Variants in SGCZ observed in about 807,000 individuals in gnomAD.
The protein encoded by SGCZ is zeta-sarcoglycan.
In SGCZ, 40 loss-of-function variants were observed where a neutral mutation model predicts 41.3. That is an observed-to-expected ratio of 0.97 (90% CI 0.75 to 1.26). The LOEUF (loss-of-function observed/expected upper bound fraction) is 1.26. Ranked by LOEUF, SGCZ falls within the 50% of genes most tolerant of loss-of-function variation. SGCZ has a pLI of 0.00. For synonymous variants in SGCZ, 206 were observed against 137.5 expected (o/e 1.50, Z -3.49); for missense variants, 552 against 369.8 (o/e 1.49, Z -4.04).
chr8:14,937,795 A>G (rs185289571), intron 1 of SGCZ, among the ~76,000 whole-genome samples: 3 of 152,224 alleles, frequency 2.0e-5, no homozygotes, highest in East Asian at 3.9e-4. Flanking sequence ...TAATAAATTC[A>G]TAAATGAATG....
chr8:14,470,192 T>C (rs1335345424), intron 2 of SGCZ, among the ~76,000 whole-genome samples: 1 of 152,094 alleles, frequency 6.6e-6, no homozygotes, highest in Non-Finnish European at 1.5e-5. Context: ...GAAAAACTTC[T>C]CGCAACGTTT....
At chr8:14,115,369 G>A (rs1357991666) in intron 5 of SGCZ, among the ~76,000 whole-genome samples, 2 of 151,806 alleles carry the variant, frequency 1.3e-5, no homozygotes, top group Non-Finnish European at 2.9e-5. Context: ...TAATTTTAAC[G>A]AGTTGAAATG....
At chr8:14,703,638 A>C (rs1441393035) in intron 1 of SGCZ, among the ~76,000 whole-genome samples, 1 of 152,016 alleles carries the variant, frequency 6.6e-6, no homozygotes, top group Non-Finnish European at 1.5e-5. Context: ...CATTCATTGC[A>C]GCTATACATT....
intron 1 of SGCZ, among the ~76,000 whole-genome samples, chr8:15,058,302 G>A (rs991826495): frequency 6.6e-6 from 1 of 152,058 alleles, no homozygotes; most frequent in Non-Finnish European, 1.5e-5. Flanking sequence ...TGAAAGAGAA[G>A]GTCCAATTTG....
rs1476324514 is a variant in SGCZ, at chr8:15,008,519, A to T, written c.39+229066T>A. On this transcript the variant is annotated intron_variant, in intron 1 of 7. Transcript: ENST00000382080. ...TAAAAAACATTAACTGGGCCTGTAT[A>T]AAGGGAGGGAAGGAAGGAAGGAAGG... Among the ~76,000 whole-genome samples the T allele has an allele frequency of 6.1e-5, 5 of 81,556 alleles. No homozygotes were observed. In the East Asian group the frequency reaches 1.8e-3, roughly 29 times the overall value. The allele number at this position is 81,556 out of a possible 152,430, so 53.5% of individuals were successfully genotyped here.
intron 3 of SGCZ, among the ~76,000 whole-genome samples, chr8:14,240,972 T>C (rs910503466): frequency 2.6e-5 from 4 of 152,152 alleles, no homozygotes; most frequent in Admixed American, 6.5e-5. Flanking sequence ...ATCTCAAATA[T>C]ATGTTTAGGT....
intron 2 of SGCZ, among the ~76,000 whole-genome samples, chr8:14,340,155 T>C (rs149908517): frequency 0.011 from 1,688 of 152,186 alleles, 28 homozygotes; most frequent in African/African-American, 0.037. Flanking sequence ...TTTTCTTTCA[T>C]CTCCAGTCTA....
intron 2 of SGCZ, among the ~76,000 whole-genome samples, chr8:14,439,772 TAC>T (rs1165799240): frequency 6.6e-6 from 1 of 151,950 alleles, no homozygotes; most frequent in Non-Finnish European, 1.5e-5. Flanking sequence ...GGAACTACCT[TAC>T]CATGATAAAC....
chr8:14,979,533 T>C (rs780725985), intron 1 of SGCZ, among the ~76,000 whole-genome samples: 1 of 152,220 alleles, frequency 6.6e-6, no homozygotes, highest in Admixed American at 6.5e-5. Flanking sequence ...TGCTTTTTAA[T>C]GTAAACTGCT....
chr8:14,840,212 A>G lies in SGCZ; in HGVS notation c.40-285286T>C, dbSNP rs866083565. Among the ~76,000 whole-genome samples the G allele has an allele frequency of 3.9e-5, 6 of 152,288 alleles. No individual in the cohort carries two copies. The Middle Eastern group carries it at 0.014, about 345-fold the overall frequency. ...CCTGCTTAAGGGATTTTTAAATACA[A>G]GAGAGATGAGTGTTAATCAGGGTTG... On this transcript the variant is annotated intron_variant, in intron 1 of 7. Coordinates refer to ENST00000382080, the MANE Select transcript of SGCZ (RefSeq NM_139167.4).
intron 2 of SGCZ, among the ~76,000 whole-genome samples, chr8:14,381,785 C>CA (rs557822815): frequency 2.0e-3 from 278 of 140,208 alleles, no homozygotes; most frequent in East Asian, 0.011. Flanking sequence ...GACCCTGTCT[C>CA]AAAAAAAAAA....
At chr8:14,237,730 T>A in intron 3 of SGCZ, 51 bp from the exon 4 acceptor site, 1 of 1,529,644 alleles carries the variant, frequency 6.5e-7, no homozygotes, top group Non-Finnish European at 9.0e-7. Context: ...TATCGTCAAA[T>A]TTACAAAAAA....
At chr8:14,233,867 A>C (rs1806660656) in intron 4 of SGCZ, among the ~76,000 whole-genome samples, 1 of 151,920 alleles carries the variant, frequency 6.6e-6, no homozygotes, top group African/African-American at 2.4e-5. Context: ...CTCGTTTAAG[A>C]AAGTTCTTGC....
chr8:14,751,439 C>G (rs976919005), intron 1 of SGCZ, among the ~76,000 whole-genome samples: 1 of 152,008 alleles, frequency 6.6e-6, no homozygotes, highest in Non-Finnish European at 1.5e-5. Flanking sequence ...AACACATAGA[C>G]AGTTACTTAA....
At chr8:14,451,759 C>A (rs557168315) in intron 2 of SGCZ, among the ~76,000 whole-genome samples, 1 of 152,258 alleles carries the variant, frequency 6.6e-6, no homozygotes, top group South Asian at 2.1e-4. Context: ...CATTGTATAT[C>A]ATTTAATAAA....
intron 1 of SGCZ, among the ~76,000 whole-genome samples, chr8:15,170,151 A>T (rs1799785332): frequency 6.6e-6 from 1 of 152,126 alleles, no homozygotes; most frequent in African/African-American, 2.4e-5. Context: ...TGCAGACTGA[A>T]GTTATTTTGT....
At chr8:15,191,273 C>G (rs1800529013) in intron 1 of SGCZ, among the ~76,000 whole-genome samples, 1 of 151,992 alleles carries the variant, frequency 6.6e-6, no homozygotes, top group Non-Finnish European at 1.5e-5. Context: ...TTCGCATGAT[C>G]TAGTCTGTAT....
intron 1 of SGCZ, among the ~76,000 whole-genome samples, chr8:14,877,632 A>G (rs926870428): frequency 6.6e-6 from 1 of 152,156 alleles, no homozygotes; most frequent in Admixed American, 6.5e-5. Context: ...ATTTTTCTCT[A>G]TCATGTTGAT....
In SGCZ at chr8:14,197,719, A is replaced by C. The variant is rs1805312265; in HGVS notation, c.425-33017T>G. 3.9e-5 allele frequency among the ~76,000 whole-genome samples: 6 copies of C among 152,184 alleles called. No individual in the cohort carries two copies. The South Asian group carries it at 1.2e-3, about 31-fold the overall frequency. On this transcript the variant is annotated intron_variant, in intron 4 of 7. Coordinates refer to ENST00000382080, the MANE Select transcript of SGCZ (RefSeq NM_139167.4). The stretch of plus-strand genomic sequence containing the variant: ...ATCTAACATCATATTTAATATTCAA[A>C]ACCTAAGTGCTTTTCCCCTAAGTTT...
Sources: allele counts gnomAD v4.1 joint callset (sites outside exome capture counted in the v4.1 genomes callset), GRCh38; gene constraint gnomAD v4.1.1; transcripts MANE v1.5; gene names NCBI Gene and HGNC (gene_info 2026-07-23, HGNC 2026-07-21).